MRTFA: variants seen among roughly 807,000 people sequenced by gnomAD.
MRTFA encodes myocardin-related transcription factor A.
A neutral mutation model predicts 83.5 loss-of-function variants in MRTFA; 20 were observed. The ratio of observed to expected loss-of-function variants is 0.24; its 90% confidence interval spans 0.17 to 0.35. The LOEUF (loss-of-function observed/expected upper bound fraction) is 0.35, where lower values mean the gene tolerates loss of function less well. Ranked by LOEUF, MRTFA falls within the 10% of genes least tolerant of loss-of-function variation. The pLI, the probability that MRTFA is intolerant of heterozygous loss-of-function variation, is 1.00. For missense variants in MRTFA, 1,200 were observed against 1,224.7 expected (o/e 0.98, Z 0.30); for synonymous variants, 659 against 541.2 (o/e 1.22, Z -3.02).
chr22:40,428,184 TA>T (rs554317487), intron 7 of MRTFA, among the ~76,000 whole-genome samples: 294 of 152,252 alleles, frequency 1.9e-3, no homozygotes, highest in African/African-American at 6.2e-3. Context: ...GCTAGTTGGT[TA>T]AAAGCAAATG....
chr22:40,498,046 G>T (rs2054385864), intron 3 of MRTFA, among the ~76,000 whole-genome samples: 1 of 151,674 alleles, frequency 6.6e-6, no homozygotes, highest in Non-Finnish European at 1.5e-5. Flanking sequence ...AGGCTGAGGT[G>T]GGAGGACTGC....
At chr22:40,572,162 G>C (rs148719663) in intron 2 of MRTFA, among the ~76,000 whole-genome samples, 1 of 152,132 alleles carries the variant, frequency 6.6e-6, no homozygotes, top group Admixed American at 6.5e-5. Context: ...GACACATATA[G>C]AGAAATAAAG....
chr22:40,423,434 G>A (rs1288297631), intron 9 of MRTFA, 102 bp downstream of exon 9: 5 of 1,105,562 alleles, frequency 4.5e-6, no homozygotes, highest in African/African-American at 1.6e-5. Context: ...GAGAAGACAC[G>A]CACCACACCC....
At chr22:40,413,575 G>A (rs2052609671) in intron 14 of MRTFA, among the ~76,000 whole-genome samples, 1 of 151,978 alleles carries the variant, frequency 6.6e-6, no homozygotes, top group African/African-American at 2.4e-5. Context: ...CCAAAGTGCT[G>A]GGACTACAGG....
chr22:40,492,725 A>G (rs4821950), intron 3 of MRTFA, among the ~76,000 whole-genome samples: 7,590 of 152,284 alleles, frequency 0.05, 705 homozygotes, highest in Admixed American at 0.25. Context: ...AAGATAAAAG[A>G]TACCAAAAAG....
chr22:40,418,710 C>T lies in MRTFA; in HGVS notation c.2028G>A (p.Lys676=), dbSNP rs2052749096. 3.6e-6 allele frequency: 5 copies of T among 1,370,182 alleles called. No individual in the cohort carries two copies. The highest frequency in any genetic ancestry group is 3.8e-6 in the Non-Finnish European group (4 of 1,050,902). The allele number at this position is 1,370,182 out of a possible 1,614,324, so 84.9% of individuals were successfully genotyped here. A position where few individuals can be genotyped will look rare whatever the true frequency, so the allele number is the denominator to read the frequency against. The stretch of plus-strand genomic sequence containing the variant: ...GGCAGCTGGAGAAGCTGTTCTCCTG[C>T]TTCACGGGGGTGCCGAGGGGGGCGG... Residue 676 remains lysine (K), a synonymous_variant, in exon 12 of 15, where the codon AAG becomes AAA. Coordinates refer to ENST00000355630, the MANE Select transcript of MRTFA (RefSeq NM_020831.6).
chr22:40,609,223 G>A (rs1253462995), intron 1 of MRTFA, among the ~76,000 whole-genome samples: 2 of 151,450 alleles, frequency 1.3e-5, no homozygotes, highest in African/African-American at 4.9e-5. Context: ...CCTGGGAGGT[G>A]GAGGTTGCAG....
chr22:40,579,207 G>A (rs142011762), intron 2 of MRTFA, among the ~76,000 whole-genome samples: 24 of 152,274 alleles, frequency 1.6e-4, no homozygotes, highest in Admixed American at 4.6e-4. Flanking sequence ...GAATTTCCAC[G>A]TCTTGTGAAG....
At chr22:40,493,744 G>C (rs1294389128) in intron 3 of MRTFA, among the ~76,000 whole-genome samples, 1 of 152,172 alleles carries the variant, frequency 6.6e-6, no homozygotes, top group Non-Finnish European at 1.5e-5. Flanking sequence ...ATGCTATGTA[G>C]AAAAACAGTT....
At chr22:40,582,793 T>C (rs2055969264) in intron 2 of MRTFA, among the ~76,000 whole-genome samples, 1 of 152,166 alleles carries the variant, frequency 6.6e-6, no homozygotes. Context: ...ATGAATACCA[T>C]TAGCTCCTTT....
chr22:40,415,733 G>A (rs1340893858), intron 14 of MRTFA, among the ~76,000 whole-genome samples: 1 of 151,932 alleles, frequency 6.6e-6, no homozygotes, highest in Non-Finnish European at 1.5e-5. Flanking sequence ...CCCCTCTGCA[G>A]GGGAACCTCC....
chr22:40,520,084 C>T (rs1353151072), intron 3 of MRTFA, among the ~76,000 whole-genome samples: 1 of 152,058 alleles, frequency 6.6e-6, no homozygotes, highest in African/African-American at 2.4e-5. Context: ...TTCTTGTGTC[C>T]CTTTGTATTC....
At chr22:40,579,631 G>A (rs1000495078) in intron 2 of MRTFA, among the ~76,000 whole-genome samples, 3 of 152,050 alleles carry the variant, frequency 2.0e-5, no homozygotes, top group African/African-American at 7.2e-5. Flanking sequence ...AGGCCAAGGT[G>A]GGTGGATCAC....
At chr22:40,527,863 G>C (rs2055005085) in intron 3 of MRTFA, among the ~76,000 whole-genome samples, 1 of 151,502 alleles carries the variant, frequency 6.6e-6, no homozygotes, top group Non-Finnish European at 1.5e-5. Context: ...TTTTAATAAA[G>C]CTAAAACTGT....
chr22:40,457,430 A>AAGAGAG (rs1463060891), intron 4 of MRTFA, among the ~76,000 whole-genome samples: 1 of 104,442 alleles, frequency 9.6e-6, no homozygotes, highest in Non-Finnish European at 1.9e-5. Context: ...GAATGAAAGA[A>AAGAGAG]AGAAAGAGAA....
At chr22:40,469,101 A>C (rs1302838340) in intron 3 of MRTFA, among the ~76,000 whole-genome samples, 3 of 152,230 alleles carry the variant, frequency 2.0e-5, no homozygotes, top group African/African-American at 7.2e-5. Context: ...ATTTGAGTTT[A>C]TCTCCTCTAA....
intron 4 of MRTFA, among the ~76,000 whole-genome samples, chr22:40,457,478 GAAAGAAAGAAGGAAAGAAAGAA>G (rs2053613497): frequency 7.2e-6 from 1 of 139,522 alleles, no homozygotes; most frequent in Non-Finnish European, 1.6e-5. Flanking sequence ...AAGAAAGAAA[GAAAGAAAGAAGGAAAGAAAGAA>G]AGAGAAAGAA....
intron 3 of MRTFA, among the ~76,000 whole-genome samples, chr22:40,465,093 T>C (rs567251665): frequency 6.6e-6 from 1 of 152,282 alleles, no homozygotes; most frequent in African/African-American, 2.4e-5. Context: ...GCCTACCCTG[T>C]TCATCTGAAC....
At chr22:40,412,968 C>G (rs1050624262) in intron 14 of MRTFA, 1 of 151,712 alleles carries the variant, frequency 6.6e-6, no homozygotes, top group African/African-American at 2.4e-5. Flanking sequence ...AAACCCCGAC[C>G]TCTACTAAAA....
Sources: gnomAD v4.1 joint callset for allele counts (sites outside exome capture counted in the v4.1 genomes callset) on GRCh38, gnomAD v4.1.1 for gene constraint, MANE v1.5 for transcripts, NCBI Gene and HGNC (gene_info 2026-07-23, HGNC 2026-07-21) for gene names.